Variants in TFAP2D observed in about 807,000 individuals in gnomAD.
The protein encoded by TFAP2D is transcription factor AP-2 delta, also known as transcription factor AP-2-delta.
In TFAP2D, 9 loss-of-function variants were observed where a neutral mutation model predicts 43.6. The ratio of observed to expected loss-of-function variants is 0.21; its 90% CI spans 0.12 to 0.36. TFAP2D has a LOEUF of 0.36. Among genes scored for constraint, TFAP2D ranks in the 10% least tolerant of loss-of-function variants. The pLI is 1.00. For missense variants in TFAP2D, 513 were observed against 561.4 expected (o/e 0.91, Z 0.87); for synonymous variants, 256 against 224.9 (o/e 1.14, Z -1.24).
intron 5 of TFAP2D, among the ~76,000 whole-genome samples, chr6:50,736,019 A>G (rs181092381): frequency 1.9e-4 from 29 of 152,246 alleles, no homozygotes; most frequent in African/African-American, 6.5e-4. Context: ...CACAGGTACC[A>G]ACAATGGGCT....
intron 7 of TFAP2D, among the ~76,000 whole-genome samples, chr6:50,757,671 T>C (rs1389375766): frequency 1.3e-5 from 1 of 77,276 alleles, no homozygotes; most frequent in African/African-American, 5.6e-5. Flanking sequence ...TATATAATTA[T>C]TCTATATATA....
chr6:50,739,120 A>C (rs943231291), intron 5 of TFAP2D, among the ~76,000 whole-genome samples: 7 of 152,068 alleles, frequency 4.6e-5, no homozygotes, highest in African/African-American at 1.7e-4. Flanking sequence ...TGTGCACAAC[A>C]TGCAGGTTTG....
At chr6:50,744,555 C>T (rs1316679312) in intron 5 of TFAP2D, among the ~76,000 whole-genome samples, 1 of 152,148 alleles carries the variant, frequency 6.6e-6, no homozygotes, top group Non-Finnish European at 1.5e-5. Flanking sequence ...GCCATTCGTA[C>T]CCCATTTCTT....
intron 6 of TFAP2D, among the ~76,000 whole-genome samples, chr6:50,745,973 A>G (rs1280830374): frequency 1.3e-5 from 2 of 152,138 alleles, no homozygotes; most frequent in Non-Finnish European, 2.9e-5. Flanking sequence ...ATTAGTGGGA[A>G]TACTACCATT....
Position 50,715,583 on chromosome 6 carries a change from G to A in TFAP2D, c.507G>A (p.Gly169=), listed in dbSNP as rs1438107391. The A allele has an allele frequency of 1.3e-6, 2 of 1,599,534 alleles. No homozygotes were observed. The highest frequency in any genetic ancestry group is 1.1e-5 in the South Asian group (1 of 90,940). The change falls in exon 2 of 8, where the codon GGG becomes GGA. Residue 169 remains glycine (G), a synonymous_variant. Coordinates refer to ENST00000008391, the MANE Select transcript of TFAP2D (RefSeq NM_172238.4). ...GACTCCTGCCAGGGCCCAGCCTGGG[G>A]CTGGCCGCCGCGGGAGCAGACGACT... ...DQRLLPGPSL[G]LAAAGADDLQ... is the part of the protein sequence containing the mutation.
intron 7 of TFAP2D, among the ~76,000 whole-genome samples, chr6:50,763,879 C>T (rs951067398): frequency 6.6e-6 from 1 of 152,076 alleles, no homozygotes; most frequent in Non-Finnish European, 1.5e-5. Context: ...CTGGCAAACA[C>T]ACGAGAAGCT....
intron 7 of TFAP2D, among the ~76,000 whole-genome samples, chr6:50,770,397 C>T (rs1487391809): frequency 6.6e-6 from 1 of 151,306 alleles, no homozygotes; most frequent in African/African-American, 2.4e-5. Flanking sequence ...TTGTTTCCCA[C>T]ATAATCAGAG....
intron 5 of TFAP2D, among the ~76,000 whole-genome samples, chr6:50,744,343 C>T (rs990082305): frequency 1.3e-5 from 2 of 152,104 alleles, no homozygotes; most frequent in African/African-American, 4.8e-5. Context: ...ATAATGGCCT[C>T]CAGCTACTTT....
At chr6:50,722,027 A>G (rs576249796) in intron 3 of TFAP2D, among the ~76,000 whole-genome samples, 51 of 152,346 alleles carry the variant, frequency 3.3e-4, no homozygotes, top group Non-Finnish European at 5.4e-4. Flanking sequence ...CTTGTAAAGA[A>G]CAAAATAGCG....
At chr6:50,747,243 G>A (rs1769137986) in intron 6 of TFAP2D, among the ~76,000 whole-genome samples, 1 of 152,028 alleles carries the variant, frequency 6.6e-6, no homozygotes, top group South Asian at 2.1e-4. Flanking sequence ...GGAGCTGAAA[G>A]CACATATAGT....
chr6:50,729,188 G>C lies in TFAP2D; in HGVS notation c.765-6G>C, dbSNP rs1489707770. 6.2e-7 allele frequency: 1 copy of C among 1,613,168 alleles called. No homozygotes were observed. The highest frequency in any genetic ancestry group is 8.5e-7 in the Non-Finnish European group (1 of 1,179,632). On this transcript the variant is annotated splice_region_variant and splice_polypyrimidine_tract_variant and intron_variant, in intron 4 of 7. Coordinates refer to ENST00000008391, the MANE Select transcript of TFAP2D (RefSeq NM_172238.4). ...CAAAACCTAGTTTTTGTTTGTTTTT[G>C]TACAGAGCAAAATCAAAGAATGGGG...
intron 7 of TFAP2D, among the ~76,000 whole-genome samples, chr6:50,759,460 A>G (rs1051202741): frequency 3.9e-5 from 6 of 152,062 alleles, no homozygotes; most frequent in Admixed American, 3.9e-4. Flanking sequence ...TTAAATCATT[A>G]CTTATGCTGA....
At chr6:50,751,372 C>T in intron 7 of TFAP2D, 48 bp downstream of exon 7, 1 of 1,249,532 alleles carries the variant, frequency 8.0e-7, no homozygotes, top group East Asian at 2.4e-5. Context: ...AACCCAGATG[C>T]TTGTATTCCT....
At chr6:50,719,445 G>GAC (rs1561930911) in intron 3 of TFAP2D, among the ~76,000 whole-genome samples, 4 of 143,410 alleles carry the variant, frequency 2.8e-5, no homozygotes, top group African/African-American at 1.0e-4. Context: ...GAAAAAGACA[G>GAC]AGAGAAAGAA....
intron 7 of TFAP2D, among the ~76,000 whole-genome samples, chr6:50,759,184 T>C (rs1265600006): frequency 6.6e-6 from 1 of 152,074 alleles, no homozygotes; most frequent in Non-Finnish European, 1.5e-5. Flanking sequence ...AATTTTTATT[T>C]AAATATTGTC....
intron 5 of TFAP2D, among the ~76,000 whole-genome samples, chr6:50,743,518 G>T (rs970603444): frequency 6.6e-6 from 1 of 151,914 alleles, no homozygotes; most frequent in Non-Finnish European, 1.5e-5. Context: ...AGTGGCTAGG[G>T]ACTGCAGGCA....
intron 7 of TFAP2D, among the ~76,000 whole-genome samples, chr6:50,762,244 A>G (rs1769373290): frequency 6.6e-6 from 1 of 152,096 alleles, no homozygotes; most frequent in African/African-American, 2.4e-5. Context: ...TGGTTGCAAT[A>G]CATTTCCATG....
chr6:50,746,449 G>A (rs1769126451), intron 6 of TFAP2D, among the ~76,000 whole-genome samples: 1 of 152,046 alleles, frequency 6.6e-6, no homozygotes, highest in African/African-American at 2.4e-5. Context: ...TGTTGCCCAG[G>A]CTGGTCTCAA....
chr6:50,721,572 C>T (rs1006804850), intron 3 of TFAP2D, among the ~76,000 whole-genome samples: 7 of 152,176 alleles, frequency 4.6e-5, no homozygotes, highest in African/African-American at 1.7e-4. Flanking sequence ...CCTATTTTCT[C>T]AATTGTCATG....
Sources: gnomAD v4.1 joint callset for allele counts (sites outside exome capture counted in the v4.1 genomes callset) on GRCh38, gnomAD v4.1.1 for gene constraint, MANE v1.5 for transcripts, NCBI Gene and HGNC (gene_info 2026-07-23, HGNC 2026-07-21) for gene names.